CPNE8: variants seen among roughly 807,000 people sequenced by gnomAD.
The protein encoded by CPNE8 is copine 8, also known as copine-8.
In CPNE8, 45 loss-of-function variants were observed where a neutral mutation model predicts 81.5. The observed-to-expected ratio is 0.55, with a 90% CI of 0.44 to 0.71. CPNE8 has a LOEUF of 0.71. Among genes scored for constraint, CPNE8 ranks in the 30% least tolerant of loss-of-function variants. The pLI, the probability that CPNE8 is intolerant of heterozygous loss-of-function variation, is 0.00. For synonymous variants in CPNE8, 252 were observed against 226.3 expected (o/e 1.11, Z -1.02); for missense variants, 594 against 672.1 (o/e 0.88, Z 1.28).
intron 1 of CPNE8, among the ~76,000 whole-genome samples, chr12:38,875,044 C>T (rs1944047856): frequency 6.6e-6 from 1 of 152,082 alleles, no homozygotes; most frequent in Non-Finnish European, 1.5e-5. Context: ...TTAAGATGAA[C>T]ATAGAGATGT....
intron 6 of CPNE8, among the ~76,000 whole-genome samples, chr12:38,829,118 A>G (rs992129954): frequency 6.6e-6 from 1 of 152,238 alleles, no homozygotes; most frequent in African/African-American, 2.4e-5. Context: ...GATAATTAAT[A>G]GTACAACCAA....
chr12:38,798,371 C>A (rs906796864), intron 6 of CPNE8, among the ~76,000 whole-genome samples: 1 of 152,126 alleles, frequency 6.6e-6, no homozygotes, highest in Non-Finnish European at 1.5e-5. Flanking sequence ...CTCTACAAGC[C>A]AGAAGACAGT....
At chr12:38,719,720 C>A (rs900426665) in intron 13 of CPNE8, among the ~76,000 whole-genome samples, 1 of 151,838 alleles carries the variant, frequency 6.6e-6, no homozygotes, top group Non-Finnish European at 1.5e-5. Context: ...ATTCCACTAT[C>A]CAAAAGAATA....
chr12:38,846,276 A>T (rs1453568812), intron 4 of CPNE8, among the ~76,000 whole-genome samples: 3 of 152,202 alleles, frequency 2.0e-5, no homozygotes, highest in Non-Finnish European at 4.4e-5. Context: ...CTCTAAATTA[A>T]ATCTTTTATT....
intron 6 of CPNE8, among the ~76,000 whole-genome samples, chr12:38,805,585 G>A (rs1351832068): frequency 2.1e-4 from 22 of 102,508 alleles, no homozygotes; most frequent in South Asian, 8.2e-4. Flanking sequence ...TGGGTGCAGC[G>A]CACCAGCATG....
At position 38,715,506 on chromosome 12, in the gene CPNE8, A is replaced by G. The variant is rs1450094985; in HGVS notation, c.914+8266T>C. ...ATAGTTTAACATACGCAATTCAATAAATGTGATACATCACATAAACAGAAT... is the reference window on the plus strand; with the variant it reads ...ATAGTTTAACATACGCAATTCAATAGATGTGATACATCACATAAACAGAAT... On this transcript the variant is annotated intron_variant, in intron 13 of 19. Coordinates refer to ENST00000331366, the MANE Select transcript of CPNE8 (RefSeq NM_153634.3). Among the ~76,000 whole-genome samples, 3 of 152,250 alleles carry G rather than the reference A, an allele frequency of 2.0e-5. No homozygotes were observed. The East Asian group carries it at 5.8e-4, about 29-fold the overall frequency.
intron 13 of CPNE8, among the ~76,000 whole-genome samples, chr12:38,713,309 T>C (rs546642831): frequency 6.6e-6 from 1 of 152,320 alleles, no homozygotes; most frequent in South Asian, 2.1e-4. Context: ...TCCCTTTCTC[T>C]TAAGATATGA....
Position 38,767,635 on chromosome 12 carries a change from C to T in CPNE8, c.575G>A (p.Ser192Asn). ...TGAAATGCATAAAAGATAAATCTAC[C>T]TGCCATCTTCATTACTTCGATAAAA... ...LVFYRSNEDGSFTICHKTEVV... is the reference protein window; with the variant it reads ...LVFYRSNEDGNFTICHKTEVV... Residue 192 changes from serine to asparagine, a missense_variant and splice_region_variant, in exon 8 of 20, where the codon AGT (serine) becomes AAT (asparagine). Physicochemically the swap from Ser to Asn is conservative, Grantham distance 46. Coordinates refer to ENST00000331366, the MANE Select transcript of CPNE8 (RefSeq NM_153634.3). 6.6e-7 allele frequency: 1 copy of T among 1,524,634 alleles called. No homozygotes were observed. Among genetic ancestry groups the T allele is most frequent in the Non-Finnish European group, 8.8e-7 (1 of 1,134,388 alleles). 94.4% of individuals were successfully genotyped at this position (1,524,634 alleles called of 1,614,324 possible). A position where few individuals can be genotyped will look rare whatever the true frequency, so the allele number is the denominator to read the frequency against.
In CPNE8 at chr12:38,865,663, A is replaced by G. The variant is rs370570052; in HGVS notation, c.186+7341T>C. 5.3e-5 allele frequency among the ~76,000 whole-genome samples: 8 copies of G among 152,304 alleles called. No individual in the cohort carries two copies. In the South Asian group the frequency reaches 1.7e-3, roughly 32 times the overall value. The stretch of plus-strand genomic sequence containing the variant: ...ATTTCTAGTAATGTTCCCTTTCTTC[A>G]TCTAGATGATGGTTACCTGGGTGTG... On this transcript the variant is annotated intron_variant, in intron 3 of 19. Transcript: ENST00000331366.
At chr12:38,690,899 A>G (rs2136668333) in intron 15 of CPNE8, among the ~76,000 whole-genome samples, 2 of 152,300 alleles carry the variant, frequency 1.3e-5, no homozygotes, top group South Asian at 4.1e-4. Flanking sequence ...CTAAGACACA[A>G]CAAAATCCCA....
intron 1 of CPNE8, among the ~76,000 whole-genome samples, chr12:38,891,543 G>A (rs1944314377): frequency 6.6e-6 from 1 of 151,714 alleles, no homozygotes; most frequent in Non-Finnish European, 1.5e-5. Context: ...CACTTCCCAG[G>A]TTCAAGCAAT....
At chr12:38,739,917 T>C (rs990303332) in intron 10 of CPNE8, among the ~76,000 whole-genome samples, 1 of 152,190 alleles carries the variant, frequency 6.6e-6, no homozygotes, top group Non-Finnish European at 1.5e-5. Flanking sequence ...AGGTAGACTC[T>C]ACAATATGAT....
At chr12:38,875,307 T>A (rs998975294) in intron 1 of CPNE8, among the ~76,000 whole-genome samples, 1 of 152,134 alleles carries the variant, frequency 6.6e-6, no homozygotes, top group Non-Finnish European at 1.5e-5. Context: ...GGCAGGAAAT[T>A]ATTAGAAAAA....
At chr12:38,839,762 G>A (rs1314055709) in intron 5 of CPNE8, among the ~76,000 whole-genome samples, 154 bp downstream of exon 5, 1 of 151,940 alleles carries the variant, frequency 6.6e-6, no homozygotes, top group African/African-American at 2.4e-5. Flanking sequence ...CCTCCAAAAT[G>A]TTTTTCTGGG....
chr12:38,833,003 C>T (rs776150494), intron 5 of CPNE8, among the ~76,000 whole-genome samples: 10 of 150,884 alleles, frequency 6.6e-5, no homozygotes, highest in African/African-American at 1.7e-4. Flanking sequence ...AAAATTATAC[C>T]CTATCCTTGA....
At chr12:38,884,526 G>T (rs1944211193) in intron 1 of CPNE8, among the ~76,000 whole-genome samples, 1 of 152,076 alleles carries the variant, frequency 6.6e-6, no homozygotes, top group African/African-American at 2.4e-5. Context: ...CGGACATATG[G>T]TTTCACTTCT....
chr12:38,823,938 G>C (rs1943148759), intron 6 of CPNE8, among the ~76,000 whole-genome samples: 2 of 152,106 alleles, frequency 1.3e-5, no homozygotes, highest in South Asian at 4.1e-4. Context: ...ATGATCTAAA[G>C]AGAGGAGCCG....
At chr12:38,759,186 C>T (rs904501157) in intron 10 of CPNE8, among the ~76,000 whole-genome samples, 1 of 152,072 alleles carries the variant, frequency 6.6e-6, no homozygotes, top group African/African-American at 2.4e-5. Context: ...CCTCAAGTAT[C>T]GTGTTTTGCA....
chr12:38,678,978 C>CT (rs1400468135), intron 16 of CPNE8, among the ~76,000 whole-genome samples: 1 of 151,810 alleles, frequency 6.6e-6, no homozygotes, highest in African/African-American at 2.4e-5. Context: ...CCACGTTTAA[C>CT]TTTTTTTGTT....
Sources: allele counts gnomAD v4.1 joint callset (sites outside exome capture counted in the v4.1 genomes callset), GRCh38; gene constraint gnomAD v4.1.1; transcripts MANE v1.5; gene names NCBI Gene and HGNC (gene_info 2026-07-23, HGNC 2026-07-21).